The following TSPAN5 variants were observed in gnomAD, a reference collection of about 807,000 sequenced individuals.
TSPAN5 encodes the protein tetraspanin 5.
TSPAN5 carries 10 observed loss-of-function variants against 37.1 expected under a neutral mutation model. That is an observed-to-expected ratio of 0.27 (90% confidence interval 0.17 to 0.46). The LOEUF (loss-of-function observed/expected upper bound fraction) is 0.46, where lower values mean the gene tolerates loss of function less well. Among genes scored for constraint, TSPAN5 ranks in the 20% least tolerant of loss-of-function variants. The pLI, the probability that TSPAN5 is intolerant of heterozygous loss-of-function variation, is 1.00. For missense variants in TSPAN5, 195 were observed against 326.6 expected (o/e 0.60, Z 3.11); for synonymous variants, 110 against 118.9 (o/e 0.93, Z 0.48).
intron 1 of TSPAN5, among the ~76,000 whole-genome samples, chr4:98,527,239 A>G (rs1247734317): frequency 6.6e-6 from 1 of 152,238 alleles, no homozygotes; most frequent in East Asian, 1.9e-4. Flanking sequence ...TAAAAAGGAC[A>G]CAAAAGAAAA....
At chr4:98,504,311 T>A (rs1221614997) in intron 2 of TSPAN5, among the ~76,000 whole-genome samples, 3 of 152,148 alleles carry the variant, frequency 2.0e-5, no homozygotes, top group Non-Finnish European at 2.9e-5. Context: ...GGTGCAGTGT[T>A]CACCACACTG....
chr4:98,567,109 T>C (rs1755021972), intron 1 of TSPAN5, among the ~76,000 whole-genome samples: 1 of 152,174 alleles, frequency 6.6e-6, no homozygotes, highest in Non-Finnish European at 1.5e-5. Flanking sequence ...TGAATAAGTC[T>C]CTCCATCCTG....
At chr4:98,636,408 A>G (rs890020642) in intron 1 of TSPAN5, among the ~76,000 whole-genome samples, 2 of 152,206 alleles carry the variant, frequency 1.3e-5, no homozygotes, top group African/African-American at 4.8e-5. Context: ...AGGTTCCTAT[A>G]ATGGTGCCTA....
In TSPAN5 at chr4:98,553,831, C is replaced by T. The variant is rs540480222; in HGVS notation, c.82-46103G>A. 6.6e-5 allele frequency among the ~76,000 whole-genome samples: 10 copies of T among 152,256 alleles called. No homozygotes were observed. The South Asian group carries it at 1.0e-3, about 16-fold the overall frequency. On this transcript the variant is annotated intron_variant, in intron 1 of 7. Transcript: ENST00000305798. ...CCTGTAATCCTAGCACTTTAGGAGG[C>T]TGAGGCAAGTGGATCACTTGAGGTC...
intron 1 of TSPAN5, among the ~76,000 whole-genome samples, chr4:98,625,299 CT>C (rs1188163732): frequency 6.6e-6 from 1 of 152,112 alleles, no homozygotes; most frequent in African/African-American, 2.4e-5. Flanking sequence ...TTACAATGAG[CT>C]TGTGAAGCAG....
chr4:98,559,891 G>A (rs1319164956), intron 1 of TSPAN5, among the ~76,000 whole-genome samples: 1 of 152,172 alleles, frequency 6.6e-6, no homozygotes, highest in African/African-American at 2.4e-5. Flanking sequence ...TAAATTGACT[G>A]ACTGTATTGA....
intron 1 of TSPAN5, among the ~76,000 whole-genome samples, chr4:98,526,651 A>G (rs1753970637): frequency 2.0e-5 from 3 of 151,188 alleles, no homozygotes; most frequent in African/African-American, 7.3e-5. Flanking sequence ...ATAAGTTCAG[A>G]GAAGGCCACC....
chr4:98,571,329 C>T (rs1174269779), intron 1 of TSPAN5, among the ~76,000 whole-genome samples: 2 of 150,538 alleles, frequency 1.3e-5, no homozygotes, highest in South Asian at 2.1e-4. Context: ...GGGCTGCTGG[C>T]GGGGAGGAGG....
intron 1 of TSPAN5, among the ~76,000 whole-genome samples, chr4:98,620,983 A>C (rs9686007): frequency 0.57 from 87,107 of 151,644 alleles, 26,353 homozygotes; most frequent in African/African-American, 0.76. Flanking sequence ...ACGTGACTTT[A>C]TTTGGAAATA....
chr4:98,590,172 A>T (rs145549168), intron 1 of TSPAN5, among the ~76,000 whole-genome samples: 1 of 152,150 alleles, frequency 6.6e-6, no homozygotes, highest in Non-Finnish European at 1.5e-5. Context: ...CCAAACTCTT[A>T]TCATCTGATT....
chr4:98,551,570 C>T (rs2110155543), intron 1 of TSPAN5, among the ~76,000 whole-genome samples: 1 of 148,860 alleles, frequency 6.7e-6, no homozygotes, highest in South Asian at 2.1e-4. Flanking sequence ...TGGCTCACTG[C>T]AACCTCCGCC....
At chr4:98,497,279 T>C (rs920037455) in intron 2 of TSPAN5, among the ~76,000 whole-genome samples, 1 of 144,102 alleles carries the variant, frequency 6.9e-6, no homozygotes, top group Admixed American at 7.3e-5. Context: ...ATCGTGCCAC[T>C]GCACTCCAGC....
At chr4:98,644,037 A>C (rs1366168590) in intron 1 of TSPAN5, among the ~76,000 whole-genome samples, 1 of 152,194 alleles carries the variant, frequency 6.6e-6, no homozygotes, top group African/African-American at 2.4e-5. Context: ...CTTGGGGTTT[A>C]GTTTTCCTGT....
chr4:98,608,248 CT>C (rs1371851880), intron 1 of TSPAN5, among the ~76,000 whole-genome samples: 3 of 152,198 alleles, frequency 2.0e-5, no homozygotes, highest in South Asian at 4.2e-4. Context: ...TCTTCACTTC[CT>C]TTTTTTAGTC....
rs139519948 is a variant in TSPAN5, at chr4:98,472,773, C to T, written c.742-186G>A. On this transcript the variant is annotated intron_variant, in intron 7 of 7. Transcript: ENST00000305798. ...TATATTCACAAAGCTATGCAACTATCACCACTATCTAATCACAGAACATTT... is the reference window on the plus strand; with the variant it reads ...TATATTCACAAAGCTATGCAACTATTACCACTATCTAATCACAGAACATTT... Among the ~76,000 whole-genome samples the T allele has an allele frequency of 4.8e-3, 727 of 152,274 alleles. 4 individuals are homozygous for T. The highest frequency in any genetic ancestry group is 7.6e-3 in the Admixed American group (117 of 15,298).
intron 4 of TSPAN5, 59 bp from the exon 5 acceptor site, chr4:98,478,869 C>G: frequency 6.3e-7 from 1 of 1,593,072 alleles, no homozygotes; most frequent in Non-Finnish European, 8.5e-7. Flanking sequence ...GTCACCTACA[C>G]TCACACCCGC....
At chr4:98,473,395 G>C (rs1421821597) in intron 7 of TSPAN5, among the ~76,000 whole-genome samples, 2 of 151,258 alleles carry the variant, frequency 1.3e-5, no homozygotes, top group African/African-American at 4.9e-5. Flanking sequence ...ATGTGGCTTT[G>C]AATTGCATTT....
At chr4:98,496,966 G>A (rs1753225737) in intron 2 of TSPAN5, among the ~76,000 whole-genome samples, 1 of 152,074 alleles carries the variant, frequency 6.6e-6, no homozygotes, top group Non-Finnish European at 1.5e-5. Context: ...TGGGGCCTTT[G>A]GGAGGTAATT....
intron 1 of TSPAN5, among the ~76,000 whole-genome samples, chr4:98,620,997 T>A (rs115769058): frequency 0.023 from 3,482 of 152,284 alleles, 117 homozygotes; most frequent in African/African-American, 0.073. Flanking sequence ...GGAAATAGAA[T>A]CATTGCAGGT....
Sources: allele counts gnomAD v4.1 joint callset (sites outside exome capture counted in the v4.1 genomes callset), GRCh38; gene constraint gnomAD v4.1.1; transcripts MANE v1.5; gene names NCBI Gene and HGNC (gene_info 2026-07-23, HGNC 2026-07-21).